ZNF385D: variants seen among roughly 807,000 people sequenced by gnomAD.
The protein encoded by ZNF385D is zinc finger protein 385D.
Under a neutral mutation model 35.8 loss-of-function variants are expected in ZNF385D, and 15 were observed. The ratio of observed to expected loss-of-function variants is 0.42; its 90% CI spans 0.28 to 0.64. The LOEUF is 0.64. Ranked by LOEUF, ZNF385D falls within the 30% of genes least tolerant of loss-of-function variation. The pLI, the probability that ZNF385D is intolerant of heterozygous loss-of-function variation, is 0.23. For synonymous variants in ZNF385D, 212 were observed against 186.8 expected (o/e 1.13, Z -1.10); for missense variants, 474 against 494.6 (o/e 0.96, Z 0.39).
chr3:22,331,464 C>T (rs1694933112), intron 2 of ZNF385D, among the ~76,000 whole-genome samples: 1 of 151,858 alleles, frequency 6.6e-6, no homozygotes, highest in African/African-American at 2.4e-5. Flanking sequence ...TATATATGAC[C>T]ATAACATTAA....
chr3:21,538,462 C>G (rs1170451544), intron 3 of ZNF385D, among the ~76,000 whole-genome samples: 1 of 152,090 alleles, frequency 6.6e-6, no homozygotes, highest in African/African-American at 2.4e-5. Context: ...CTTCAGTGAC[C>G]TAGGAGTTTG....
At chr3:21,461,767 C>T (rs1440089054) in intron 4 of ZNF385D, among the ~76,000 whole-genome samples, 1 of 152,202 alleles carries the variant, frequency 6.6e-6, no homozygotes, top group African/African-American at 2.4e-5. Flanking sequence ...TGTAGCTGTA[C>T]ATTTCAAATG....
intron 3 of ZNF385D, among the ~76,000 whole-genome samples, chr3:21,891,200 CAG>C (rs1289131905): frequency 6.6e-6 from 1 of 152,034 alleles, no homozygotes; most frequent in Admixed American, 6.6e-5. Context: ...AATCAATAAA[CAG>C]ATATTTCGTT....
At chr3:21,781,296 G>A (rs945875669) in intron 3 of ZNF385D, among the ~76,000 whole-genome samples, 4 of 151,912 alleles carry the variant, frequency 2.6e-5, no homozygotes, top group East Asian at 1.9e-4. Flanking sequence ...AAGAGTAAGC[G>A]GTAGCAATCT....
At chr3:21,558,540 T>C (rs1389966196) in intron 3 of ZNF385D, among the ~76,000 whole-genome samples, 1 of 152,212 alleles carries the variant, frequency 6.6e-6, no homozygotes, top group Non-Finnish European at 1.5e-5. Context: ...TTCCATTCTT[T>C]TGCATTTGCT....
intron 1 of ZNF385D, among the ~76,000 whole-genome samples, chr3:21,719,659 C>T (rs1237445988): frequency 2.0e-5 from 3 of 152,204 alleles, no homozygotes; most frequent in Admixed American, 6.5e-5. Context: ...CATGCTTATT[C>T]TTTCCACCCC....
chr3:21,991,609 C>G (rs144102528), intron 3 of ZNF385D, among the ~76,000 whole-genome samples: 6 of 152,252 alleles, frequency 3.9e-5, no homozygotes, highest in African/African-American at 1.4e-4. Flanking sequence ...TGCTCTAGCA[C>G]GACAGCTAAT....
At chr3:21,768,402 T>G (rs1021857051) in intron 3 of ZNF385D, among the ~76,000 whole-genome samples, 6 of 152,030 alleles carry the variant, frequency 3.9e-5, no homozygotes, top group African/African-American at 1.4e-4. Flanking sequence ...GGAGTCTCTT[T>G]CCCCACCTAG....
rs142528284 is a variant in ZNF385D, at chr3:22,045,600, G to A, written c.325+123217C>T. Among the ~76,000 whole-genome samples the A allele has an allele frequency of 1.0e-3, 159 of 152,244 alleles. 4 individuals carry two copies. The East Asian group carries it at 0.029, about 28-fold the overall frequency. On this transcript the variant is annotated intron_variant, in intron 3 of 5. Transcript: ENST00000494108. Reference sequence around the variant, plus strand: ...TTTCACCCTTAACAGCACCCGCATAGTGTAGACAGTTTTCTGTGGGTTTTA... The same window carrying A: ...TTTCACCCTTAACAGCACCCGCATAATGTAGACAGTTTTCTGTGGGTTTTA...
chr3:22,324,820 A>G (rs182106522), intron 2 of ZNF385D, among the ~76,000 whole-genome samples: 1 of 152,286 alleles, frequency 6.6e-6, no homozygotes, highest in Admixed American at 6.5e-5. Flanking sequence ...TTACACAGGG[A>G]ATGAGATTGA....
At chr3:22,132,843 T>G (rs983220817) in intron 3 of ZNF385D, among the ~76,000 whole-genome samples, 1 of 152,104 alleles carries the variant, frequency 6.6e-6, no homozygotes, top group Non-Finnish European at 1.5e-5. Context: ...ATATATCTTA[T>G]GTAAAGCGCT....
At chr3:22,107,550 C>A (rs1702291333) in intron 3 of ZNF385D, among the ~76,000 whole-genome samples, 1 of 151,926 alleles carries the variant, frequency 6.6e-6, no homozygotes, top group African/African-American at 2.4e-5. Flanking sequence ...AGGAACCTAA[C>A]CTGAGATGAC....
At chr3:22,019,278 T>C (rs62248436) in intron 3 of ZNF385D, among the ~76,000 whole-genome samples, 27,092 of 151,678 alleles carry the variant, frequency 0.18, 3,480 homozygotes, top group East Asian at 0.45. Context: ...TAAGCTCAAA[T>C]ATGTATTCTT....
chr3:22,309,537 T>C (rs1162083540), intron 2 of ZNF385D, among the ~76,000 whole-genome samples: 1 of 152,042 alleles, frequency 6.6e-6, no homozygotes, highest in Non-Finnish European at 1.5e-5. Flanking sequence ...TATTTAAATA[T>C]ATAAGAAAAG....
chr3:22,372,456 T>G, exon 2 of ZNF385D: 1 of 985,814 alleles, frequency 1.0e-6, no homozygotes, highest in Non-Finnish European at 1.2e-6. Flanking sequence ...TTACCGCGGC[T>G]GGGCTGAGCT....
chr3:22,361,322 T>C (rs911813157), intron 2 of ZNF385D, among the ~76,000 whole-genome samples: 2 of 152,078 alleles, frequency 1.3e-5, no homozygotes, highest in Non-Finnish European at 2.9e-5. Context: ...GTAATCAGAA[T>C]GTAATAAGTA....
intron 2 of ZNF385D, among the ~76,000 whole-genome samples, chr3:22,321,363 A>T (rs561209033): frequency 1.5e-4 from 23 of 151,664 alleles, no homozygotes; most frequent in African/African-American, 4.4e-4. Context: ...TACTTTTTTT[A>T]AAAAAAATTA....
At chr3:21,958,145 A>T (rs971384911) in intron 3 of ZNF385D, among the ~76,000 whole-genome samples, 2 of 152,146 alleles carry the variant, frequency 1.3e-5, no homozygotes, top group African/African-American at 2.4e-5. Context: ...TTTGTTTTCA[A>T]ATTTAATGTA....
chr3:21,699,326 C>A (rs184747826), intron 1 of ZNF385D, among the ~76,000 whole-genome samples: 2,658 of 151,422 alleles, frequency 0.018, 76 homozygotes, highest in African/African-American at 0.059. Flanking sequence ...CATCACACAC[C>A]GGGGCCTGTC....
Sources: allele counts gnomAD v4.1 joint callset (sites outside exome capture counted in the v4.1 genomes callset), GRCh38; gene constraint gnomAD v4.1.1; transcripts MANE v1.5; gene names NCBI Gene and HGNC (gene_info 2026-07-23, HGNC 2026-07-21).